Variants in SPAG16 observed in about 807,000 individuals in gnomAD.
SPAG16 encodes sperm associated antigen 16.
Under a neutral mutation model 80.4 loss-of-function variants are expected in SPAG16, and 86 were observed. The ratio of observed to expected loss-of-function variants is 1.07; its 90% CI spans 0.90 to 1.28. The LOEUF (loss-of-function observed/expected upper bound fraction) is 1.28, where lower values mean the gene tolerates loss of function less well. SPAG16 is among the 50% of genes most tolerant of loss of function. The pLI is 0.00. For missense variants in SPAG16, 870 were observed against 765.3 expected (o/e 1.14, Z -1.61); for synonymous variants, 294 against 265.9 (o/e 1.11, Z -1.03).
At chr2:213,970,755 C>T (rs1354488049) in intron 12 of SPAG16, among the ~76,000 whole-genome samples, 1 of 152,130 alleles carries the variant, frequency 6.6e-6, no homozygotes, top group African/African-American at 2.4e-5. Flanking sequence ...AAACAATTCA[C>T]ATAATATGTA....
intron 15 of SPAG16, among the ~76,000 whole-genome samples, chr2:214,274,327 CTG>C (rs760074173): frequency 1.3e-5 from 2 of 152,162 alleles, no homozygotes; most frequent in African/African-American, 4.8e-5. Flanking sequence ...ACTTCCAACA[CTG>C]TGTTGAATAG....
At chr2:213,592,160 A>T (rs1187464057) in intron 10 of SPAG16, among the ~76,000 whole-genome samples, 1 of 152,204 alleles carries the variant, frequency 6.6e-6, no homozygotes, top group African/African-American at 2.4e-5. Flanking sequence ...ACAAAAGAAG[A>T]CCTCTAATAC....
chr2:213,697,980 C>G (rs1262276048), intron 10 of SPAG16, among the ~76,000 whole-genome samples: 1 of 152,116 alleles, frequency 6.6e-6, no homozygotes, highest in Non-Finnish European at 1.5e-5. Context: ...TCTGCCAACT[C>G]TCGTCAACTT....
intron 15 of SPAG16, among the ~76,000 whole-genome samples, chr2:214,191,032 G>A (rs1024457558): frequency 6.6e-6 from 1 of 152,100 alleles, no homozygotes; most frequent in African/African-American, 2.4e-5. Context: ...TATCAAACCA[G>A]TCTGCCAAAT....
At chr2:214,318,317 T>G (rs925590459) in intron 15 of SPAG16, among the ~76,000 whole-genome samples, 1 of 151,926 alleles carries the variant, frequency 6.6e-6, no homozygotes, top group African/African-American at 2.4e-5. Flanking sequence ...AAGATCTGAT[T>G]TACTCACCCC....
chr2:213,921,348 T>TTTG (rs547688624), intron 11 of SPAG16, among the ~76,000 whole-genome samples: 9 of 152,224 alleles, frequency 5.9e-5, no homozygotes, highest in South Asian at 4.1e-4. Flanking sequence ...CATTTTTGTG[T>TTTG]TTGTTGTTGT....
intron 10 of SPAG16, among the ~76,000 whole-genome samples, chr2:213,741,792 A>G: frequency 6.6e-6 from 1 of 152,076 alleles, no homozygotes; most frequent in East Asian, 1.9e-4. Context: ...TATATTATTA[A>G]CTCAAATTGG....
intron 13 of SPAG16, among the ~76,000 whole-genome samples, chr2:214,050,310 TCA>T (rs2049574716): frequency 1.3e-5 from 2 of 150,396 alleles, no homozygotes; most frequent in Admixed American, 1.3e-4. Flanking sequence ...AAAAAAAAAT[TCA>T]GTTTATCTTG....
chr2:214,085,605 T>A (rs987492720), intron 13 of SPAG16, among the ~76,000 whole-genome samples: 2 of 152,192 alleles, frequency 1.3e-5, no homozygotes, highest in African/African-American at 4.8e-5. Context: ...ACACTGCCTT[T>A]AAAAATTTTT....
intron 9 of SPAG16, among the ~76,000 whole-genome samples, chr2:213,417,447 A>T (rs2069325079): frequency 1.3e-5 from 2 of 152,182 alleles, no homozygotes; most frequent in African/African-American, 4.8e-5. Flanking sequence ...AGGGAACTAG[A>T]CCTGTTTTTC....
chr2:214,142,583 C>T (rs2055418221), intron 14 of SPAG16, among the ~76,000 whole-genome samples: 1 of 152,000 alleles, frequency 6.6e-6, no homozygotes, highest in Admixed American at 6.6e-5. Context: ...TCTCCCAGGC[C>T]CCTAGTTCCA....
chr2:214,026,248 T>A lies in SPAG16; in HGVS notation c.1527+12171T>A, dbSNP rs540153677. On this transcript the variant is annotated intron_variant, in intron 13 of 15. Transcript: ENST00000331683. ...CATATATATACATACACATATTATA[T>A]TATATATACACACACACACAGAAAC... Among the ~76,000 whole-genome samples the A allele has an allele frequency of 1.1e-3, 163 of 151,450 alleles. 1 individual carries two copies. The highest frequency in any genetic ancestry group is 3.4e-3 in the Middle Eastern group (1 of 290).
chr2:214,354,482 G>A (rs1698642938), intron 15 of SPAG16, among the ~76,000 whole-genome samples: 2 of 151,996 alleles, frequency 1.3e-5, no homozygotes, highest in African/African-American at 4.8e-5. Context: ...GGCAATGCAG[G>A]CTCTTTTTTG....
chr2:214,121,526 A>G (rs903307770), intron 14 of SPAG16, among the ~76,000 whole-genome samples: 1 of 151,866 alleles, frequency 6.6e-6, no homozygotes, highest in African/African-American at 2.4e-5. Context: ...CAAATTATTT[A>G]GCTCATCTTT....
At chr2:213,563,982 G>A (rs544854152) in intron 10 of SPAG16, among the ~76,000 whole-genome samples, 180 of 152,332 alleles carry the variant, frequency 1.2e-3, no homozygotes, top group Non-Finnish European at 1.9e-3. Context: ...ATTGGAAAGG[G>A]AAAGGAGGAA....
intron 10 of SPAG16, among the ~76,000 whole-genome samples, chr2:213,776,834 C>CG (rs373919562): frequency 9.5e-5 from 12 of 125,774 alleles, no homozygotes; most frequent in Non-Finnish European, 1.8e-4. Context: ...CCACCCCCCC[C>CG]CCACCCCAGG....
At chr2:214,207,137 G>C (rs2058167163) in intron 15 of SPAG16, among the ~76,000 whole-genome samples, 1 of 152,090 alleles carries the variant, frequency 6.6e-6, no homozygotes, top group Non-Finnish European at 1.5e-5. Context: ...GCACCTCCAG[G>C]CTAAAATATT....
At chr2:213,381,561 C>T (rs1487182018) in intron 9 of SPAG16, among the ~76,000 whole-genome samples, 1 of 152,156 alleles carries the variant, frequency 6.6e-6, no homozygotes, top group African/African-American at 2.4e-5. Flanking sequence ...TCATCTTTAA[C>T]ACAAGGCTAC....
intron 10 of SPAG16, among the ~76,000 whole-genome samples, chr2:213,842,053 C>A (rs1247400096): frequency 2.0e-5 from 3 of 151,994 alleles, no homozygotes; most frequent in African/African-American, 7.2e-5. Context: ...ATCATGTAAA[C>A]CTTGTTAGGG....
Sources: allele counts gnomAD v4.1 joint callset (sites outside exome capture counted in the v4.1 genomes callset), GRCh38; gene constraint gnomAD v4.1.1; transcripts MANE v1.5; gene names NCBI Gene and HGNC (gene_info 2026-07-23, HGNC 2026-07-21).